The following VRK2 variants were observed in gnomAD, a reference collection of about 807,000 sequenced individuals.
VRK2 encodes serine/threonine-protein kinase VRK2.
In VRK2, 60 loss-of-function variants were observed where a neutral mutation model predicts 57.6. That is an observed-to-expected ratio of 1.04 (90% CI 0.85 to 1.29). VRK2 has a LOEUF of 1.29. VRK2 is among the 50% of genes most tolerant of loss of function. The pLI is 0.00. For synonymous variants in VRK2, 231 were observed against 199.2 expected (o/e 1.16, Z -1.35); for missense variants, 705 against 588.1 (o/e 1.20, Z -2.06).
chr2:58,082,360 G>A (rs1311304504), intron 2 of VRK2, among the ~76,000 whole-genome samples: 1 of 151,722 alleles, frequency 6.6e-6, no homozygotes, highest in African/African-American at 2.4e-5. Context: ...ATTACATTCT[G>A]TTGGGCTTAA....
intron 1 of VRK2, among the ~76,000 whole-genome samples, chr2:57,963,412 T>C (rs1671819297): frequency 6.6e-6 from 1 of 152,224 alleles, no homozygotes; most frequent in Non-Finnish European, 1.5e-5. Flanking sequence ...ACTGCAAATA[T>C]ATTTCTTTTA....
chr2:57,961,151 A>T (rs1375259462), intron 1 of VRK2, among the ~76,000 whole-genome samples: 1 of 152,238 alleles, frequency 6.6e-6, no homozygotes, highest in Admixed American at 6.5e-5. Context: ...AGAAACATTA[A>T]GTAAGGTAAG....
At chr2:58,011,331 G>T (rs1344377662) in intron 1 of VRK2, among the ~76,000 whole-genome samples, 1 of 152,162 alleles carries the variant, frequency 6.6e-6, no homozygotes, top group Non-Finnish European at 1.5e-5. Context: ...GTTTTAGTTA[G>T]AAATATTAAT....
At chr2:58,006,498 G>A (rs151303582) in intron 1 of VRK2, among the ~76,000 whole-genome samples, 2 of 152,262 alleles carry the variant, frequency 1.3e-5, no homozygotes. Flanking sequence ...GACCAATACT[G>A]TGAGGAAATA....
Position 58,052,191 on chromosome 2 carries a change from A to G in VRK2, c.136+3224A>G, listed in dbSNP as rs373340003. ...TTACTTAATCCTTTGGGTTGTTTCTATTCTGCATAATTGTGATAATAATAA... is the reference window on the plus strand; with the variant it reads ...TTACTTAATCCTTTGGGTTGTTTCTGTTCTGCATAATTGTGATAATAATAA... On this transcript the variant is annotated intron_variant, in intron 2 of 12. Transcript: ENST00000340157. 3.9e-5 allele frequency among the ~76,000 whole-genome samples: 6 copies of G among 152,228 alleles called. No individual in the cohort carries two copies. The East Asian group carries it at 7.7e-4, about 20-fold the overall frequency.
upstream of VRK2, chr2:58,046,803 C>A (rs1674808752): frequency 4.1e-6 from 4 of 985,472 alleles, no homozygotes; most frequent in Admixed American, 6.1e-5. Flanking sequence ...CCGGGGGCTC[C>A]GCCTCGTCGC....
At chr2:58,046,610 C>T, upstream of VRK2, 1 of 985,612 alleles carries the variant, frequency 1.0e-6, no homozygotes, top group Non-Finnish European at 1.2e-6. Context: ...CATGTAGCCG[C>T]GCCCTCTCCT....
chr2:58,131,306 C>T (rs17049361), intron 8 of VRK2, among the ~76,000 whole-genome samples: 1 of 149,962 alleles, frequency 6.7e-6, no homozygotes, highest in Non-Finnish European at 1.5e-5. Context: ...GCAGTTTTGT[C>T]ATATTCTTCC....
At chr2:58,115,835 G>A (rs1391859378) in intron 7 of VRK2, among the ~76,000 whole-genome samples, 1 of 152,230 alleles carries the variant, frequency 6.6e-6, no homozygotes, top group Admixed American at 6.5e-5. Flanking sequence ...GTGTGTCAGG[G>A]TCAGTCTAAG....
intron 1 of VRK2, among the ~76,000 whole-genome samples, chr2:57,965,857 T>C (rs1329010346): frequency 2.0e-5 from 3 of 152,208 alleles, no homozygotes; most frequent in South Asian, 2.1e-4. Flanking sequence ...TTATATAGCA[T>C]ATATGAATGG....
At chr2:58,001,197 A>G (rs943523735) in intron 1 of VRK2, among the ~76,000 whole-genome samples, 1 of 152,218 alleles carries the variant, frequency 6.6e-6, no homozygotes, top group Non-Finnish European at 1.5e-5. Flanking sequence ...TACTTTTTTC[A>G]TACATTTATG....
intron 2 of VRK2, among the ~76,000 whole-genome samples, chr2:58,029,790 T>A (rs946711342): frequency 2.0e-5 from 3 of 152,120 alleles, no homozygotes; most frequent in Non-Finnish European, 1.5e-5. Context: ...CTACATTACC[T>A]TGAGTATCTA....
chr2:58,074,005 A>G (rs1669723027), intron 2 of VRK2, among the ~76,000 whole-genome samples: 1 of 152,114 alleles, frequency 6.6e-6, no homozygotes, highest in Non-Finnish European at 1.5e-5. Flanking sequence ...CAACACCCTC[A>G]CAGACAGGTC....
upstream of VRK2, among the ~76,000 whole-genome samples, chr2:58,043,121 C>T (rs908228663): frequency 1.3e-5 from 2 of 152,096 alleles, no homozygotes; most frequent in South Asian, 4.1e-4. Flanking sequence ...AAACTTGAAA[C>T]TTTATTTTAC....
intron 1 of VRK2, among the ~76,000 whole-genome samples, chr2:57,945,564 C>G (rs1671237936): frequency 6.6e-6 from 1 of 152,148 alleles, no homozygotes. Flanking sequence ...CTTGAAATAT[C>G]TTTCCTATAA....
At chr2:58,158,941 T>C (rs540064609) in intron 12 of VRK2, among the ~76,000 whole-genome samples, 1 of 152,248 alleles carries the variant, frequency 6.6e-6, no homozygotes, top group Admixed American at 6.5e-5. Context: ...TCAGTTGCCA[T>C]GGAATCAGAA....
chr2:58,007,102 A>C lies in VRK2; in HGVS notation c.-438-18563A>C, dbSNP rs573967115. On this transcript the variant is annotated intron_variant, in intron 1 of 15. Coordinates refer to the VRK2 transcript ENST00000417641. Reference sequence around the variant, plus strand: ...TTCCTTCTCAGTTCTTTAGACTAAGACTGAAACTATACCATCAGTTCTCCT... The same window carrying C: ...TTCCTTCTCAGTTCTTTAGACTAAGCCTGAAACTATACCATCAGTTCTCCT... Among the ~76,000 whole-genome samples, 43 of 152,010 alleles carry C rather than the reference A, an allele frequency of 2.8e-4. 1 individual carries two copies. Among genetic ancestry groups the C allele is most frequent in the African/African-American group, 1.0e-3 (42 of 41,470 alleles).
At chr2:58,101,224 C>G (rs978479648) in intron 7 of VRK2, among the ~76,000 whole-genome samples, 1 of 151,560 alleles carries the variant, frequency 6.6e-6, no homozygotes, top group Admixed American at 6.6e-5. Flanking sequence ...TATAATTTTC[C>G]CTGCAGAACA....
At chr2:58,095,879 T>C (rs550903144) in intron 7 of VRK2, among the ~76,000 whole-genome samples, 1 of 152,232 alleles carries the variant, frequency 6.6e-6, no homozygotes, top group Admixed American at 6.5e-5. Context: ...GATGATGGCT[T>C]TAGGACTAAG....
Sources: allele counts gnomAD v4.1 joint callset (sites outside exome capture counted in the v4.1 genomes callset), GRCh38; gene constraint gnomAD v4.1.1; transcripts MANE v1.5; gene names NCBI Gene and HGNC (gene_info 2026-07-23, HGNC 2026-07-21).